The following SNRPD1 variants were observed in gnomAD, a reference collection of about 807,000 sequenced individuals.
The protein encoded by SNRPD1 is small nuclear ribonucleoprotein Sm D1.
In SNRPD1, 1 loss-of-function variant was observed where a neutral mutation model predicts 14.4. The observed-to-expected ratio is 0.07, with a 90% CI of 0.02 to 0.33. SNRPD1 has a LOEUF of 0.33. Ranked by LOEUF, SNRPD1 falls within the 10% of genes least tolerant of loss-of-function variation. The pLI is 1.00. For synonymous variants in SNRPD1, 42 were observed against 50.3 expected, an observed-to-expected ratio of 0.83 and a Z score of 0.70; for missense variants, 52 against 146.4, an observed-to-expected ratio of 0.36 and a Z score of 3.33.
rs1434950602 is a variant in SNRPD1 at position 21,629,044 on chromosome 18, G to T, written c.284-18G>T. The T allele has an allele frequency of 1.2e-6, 2 of 1,610,362 alleles. No homozygotes were observed. Among genetic ancestry groups the T allele is most frequent in the Admixed American group, 3.3e-5 (2 of 59,992 alleles). On this transcript the variant is annotated intron_variant, in intron 3 of 3. Transcript: ENST00000300413. ...TGCAGGAGAGAATTGAACTTGGTTT[G>T]TTTTTCTTTTCCTTCAGTTGCAGGA...
In SNRPD1 at chr18:21,625,315, A is replaced by ATTTTTTTTT. The variant is rs748864232; in HGVS notation, c.283+1376_283+1377insTTTTTTTTT. On this transcript the variant is annotated intron_variant, in intron 3 of 3. Coordinates refer to ENST00000300413, the MANE Select transcript of SNRPD1 (RefSeq NM_006938.4). ...TTCTATTTAAAATTTTGTTGAAAAA[A>ATTTTTTTTT]ATTTTTTTTTTTTTTTTTGAGATGG... is the stretch of plus-strand genomic sequence containing the variant. 2.0e-3 allele frequency among the ~76,000 whole-genome samples: 199 copies of ATTTTTTTTT among 98,192 alleles called. 7 individuals are homozygous for ATTTTTTTTT. Among genetic ancestry groups the ATTTTTTTTT allele is most frequent in the African/African-American group, 0.011 (150 of 13,516 alleles). 64.4% of individuals were successfully genotyped at this position (98,192 alleles called of 152,430 possible). A position where few individuals can be genotyped will look rare whatever the true frequency, so the allele number is the denominator to read the frequency against.
In SNRPD1 at chr18:21,629,123, G is replaced by A. The variant is rs1348804814; in HGVS notation, c.345G>A (p.Gly115=). The A allele has an allele frequency of 6.2e-7, 1 of 1,612,020 alleles. No individual in the cohort carries two copies. Among genetic ancestry groups the A allele is most frequent in the Non-Finnish European group, 8.5e-7 (1 of 1,178,198 alleles). ...GRGRGRGRGR[G]GPRR ...GACGTGGCCGTGGCAGAGGAAGAGG[G>A]GGTCCTAGGCGATAATGTCTCTCAA... The change falls in exon 4 of 4, where the codon GGG becomes GGA. Residue 115 remains glycine (G), a synonymous_variant. Coordinates refer to ENST00000300413, the MANE Select transcript of SNRPD1 (RefSeq NM_006938.4).
intron 1 of SNRPD1, among the ~76,000 whole-genome samples, chr18:21,613,854 CAAAAAAAAAAAA>C (rs56863125): frequency 3.4e-5 from 2 of 58,696 alleles, no homozygotes; most frequent in South Asian, 7.2e-4. Flanking sequence ...GACTCCATCT[CAAAAAAAAAAAA>C]AAAAAAAAAA....
intron 1 of SNRPD1, among the ~76,000 whole-genome samples, chr18:21,621,085 G>A (rs1226878994): frequency 6.6e-6 from 1 of 151,834 alleles, no homozygotes. Context: ...GGAGAATGGC[G>A]TGAACCTAGG....
chr18:21,622,628 C>G, intron 1 of SNRPD1, 97 bp from the exon 2 acceptor site: 1 of 650,308 alleles, frequency 1.5e-6, no homozygotes, highest in East Asian at 2.8e-5. Flanking sequence ...CAGATAGCAT[C>G]TAGCAAATTT....
intron 3 of SNRPD1, among the ~76,000 whole-genome samples, chr18:21,627,555 T>G (rs1598494848): frequency 1.3e-5 from 2 of 148,726 alleles, no homozygotes; most frequent in African/African-American, 2.5e-5. Flanking sequence ...TTCTCCTGCC[T>G]CAACCTCCCA....
chr18:21,625,366 G>T (rs1297134330), intron 3 of SNRPD1, among the ~76,000 whole-genome samples: 1 of 116,372 alleles, frequency 8.6e-6, no homozygotes, highest in Non-Finnish European at 1.6e-5. Context: ...AGCCAAGCTG[G>T]AGTGCAGTGG....
chr18:21,621,172 A>T (rs994006907), intron 1 of SNRPD1, among the ~76,000 whole-genome samples: 1 of 152,004 alleles, frequency 6.6e-6, no homozygotes, highest in Non-Finnish European at 1.5e-5. Context: ...TGTGTCAAAA[A>T]AAAAAGATAA....
intron 3 of SNRPD1, among the ~76,000 whole-genome samples, chr18:21,627,514 A>T (rs2039049986): frequency 7.2e-6 from 1 of 138,564 alleles, no homozygotes; most frequent in East Asian, 2.1e-4. Context: ...ATCTCCACTC[A>T]TTACAACCTC....
chr18:21,622,454 G>A (rs2039005581), intron 1 of SNRPD1, among the ~76,000 whole-genome samples: 1 of 151,888 alleles, frequency 6.6e-6, no homozygotes, highest in African/African-American at 2.4e-5. Flanking sequence ...TCTTTTTCAT[G>A]GTTTATAATG....
At chr18:21,613,576 G>C (rs2038935646) in intron 1 of SNRPD1, among the ~76,000 whole-genome samples, 1 of 152,086 alleles carries the variant, frequency 6.6e-6, no homozygotes, top group South Asian at 2.1e-4. Flanking sequence ...CAGGGAGGAG[G>C]CCAGGCGCAG....
Position 21,626,672 on chromosome 18 carries a change from A to G in SNRPD1, c.284-2390A>G, listed in dbSNP as rs956718158. Among the ~76,000 whole-genome samples the G allele has an allele frequency of 7.3e-5, 11 of 151,682 alleles. No homozygotes were observed. The East Asian group carries it at 2.0e-3, about 27-fold the overall frequency. ...TGTGGTGGCGGTCACCTATAATCCC[A>G]GCTACTCGGGAGGCTAAGGCAGGGA... is the stretch of plus-strand genomic sequence containing the variant. On this transcript the variant is annotated intron_variant, in intron 3 of 3. Coordinates refer to ENST00000300413, the MANE Select transcript of SNRPD1 (RefSeq NM_006938.4).
intron 1 of SNRPD1, among the ~76,000 whole-genome samples, chr18:21,616,140 C>T (rs967812280): frequency 7.9e-5 from 12 of 151,936 alleles, no homozygotes; most frequent in South Asian, 2.1e-4. Flanking sequence ...CGCCTGCCAC[C>T]ACGCCCGGCT....
intron 3 of SNRPD1, among the ~76,000 whole-genome samples, chr18:21,626,740 C>T (rs1012343584): frequency 2.0e-5 from 3 of 149,430 alleles, no homozygotes; most frequent in South Asian, 2.1e-4. Context: ...GACCCGAGAT[C>T]GCACTACTGC....
Position 21,632,855 on chromosome 18 carries a change from C to CTT in SNRPD1, c.*3729_*3730dup, listed in dbSNP as rs1555676180. ...CTTTTCTTTTCTTTTCTTTTCTTTT[C>CTT]TTTTTTTTTTTTTGAGACAGAGTCT... On this transcript the variant is annotated 3_prime_UTR_variant, in exon 4 of 4. Coordinates refer to ENST00000300413, the MANE Select transcript of SNRPD1 (RefSeq NM_006938.4). The CTT allele has an allele frequency of 8.2e-5, 11 of 134,678 alleles. No individual in the cohort carries two copies. Among genetic ancestry groups the CTT allele is most frequent in the East Asian group, 2.0e-4 (1 of 5,046 alleles). 8.3% of individuals were successfully genotyped at this position (134,678 alleles called of 1,614,324 possible). A position where few individuals can be genotyped will look rare whatever the true frequency, so the allele number is the denominator to read the frequency against.
At chr18:21,622,451 C>T (rs1033475561) in intron 1 of SNRPD1, among the ~76,000 whole-genome samples, 1 of 152,052 alleles carries the variant, frequency 6.6e-6, no homozygotes, top group Non-Finnish European at 1.5e-5. Context: ...ATTTCTTTTT[C>T]ATGGTTTATA....
In SNRPD1 at chr18:21,632,567, T is replaced by C. The variant is rs1023650974; in HGVS notation, c.*3429T>C. ...ATAATAAATCACAGTGGGTACTAGA[T>C]TGAGTTTATTCCACTAGAGGTCATT... On this transcript the variant is annotated 3_prime_UTR_variant, in exon 4 of 4. Coordinates refer to ENST00000300413, the MANE Select transcript of SNRPD1 (RefSeq NM_006938.4). 5 of 152,108 alleles carry C rather than the reference T, an allele frequency of 3.3e-5. No individual in the cohort carries two copies. The highest frequency in any genetic ancestry group is 5.9e-5 in the Non-Finnish European group (4 of 68,008). The allele number at this position is 152,108 out of a possible 1,614,324, so 9.4% of individuals were successfully genotyped here.
rs1391991608 is a variant in SNRPD1 at position 21,632,825 on chromosome 18, T to TTTTTG, written c.*3691_*3692insGTTTT. 4.8e-4 allele frequency: 73 copies of TTTTTG among 150,762 alleles called. No homozygotes were observed. The highest frequency in any genetic ancestry group is 3.1e-3 in the South Asian group (15 of 4,786). 9.3% of individuals were successfully genotyped at this position (150,762 alleles called of 1,614,324 possible). A position where few individuals can be genotyped will look rare whatever the true frequency, so the allele number is the denominator to read the frequency against. On this transcript the variant is annotated 3_prime_UTR_variant, in exon 4 of 4. Transcript: ENST00000300413. ...AGATGTTACATATGAACTTTAGTTTTTTTTCTTTTCTTTTCTTTTCTTTTC... is the reference window on the plus strand; with the variant it reads ...AGATGTTACATATGAACTTTAGTTTTTTTTGTTTTCTTTTCTTTTCTTTTCTTTTC...
At chr18:21,613,854 CA>C (rs56863125) in intron 1 of SNRPD1, among the ~76,000 whole-genome samples, 4,504 of 58,286 alleles carry the variant, frequency 0.077, 24 homozygotes, top group Non-Finnish European at 0.1. Flanking sequence ...GACTCCATCT[CA>C]AAAAAAAAAA....
Sources: allele counts gnomAD v4.1 joint callset (sites outside exome capture counted in the v4.1 genomes callset), GRCh38; gene constraint gnomAD v4.1.1; transcripts MANE v1.5; gene names NCBI Gene and HGNC (gene_info 2026-07-23, HGNC 2026-07-21).